The following MUC7 variants were observed in gnomAD, a reference collection of about 807,000 sequenced individuals.
MUC7 encodes mucin-7.
A neutral mutation model predicts 2.5 loss-of-function variants in MUC7; 2 were observed. The ratio of observed to expected loss-of-function variants is 0.81; its 90% CI spans 0.33 to 2.55. MUC7 has a LOEUF of 2.55. Ranked by LOEUF, MUC7 falls within the 30% of genes most tolerant of loss-of-function variation. The probability of loss-of-function intolerance (pLI) is 0.11; values close to 1 mark genes in which losing one functional copy is unlikely to be tolerated. For synonymous variants in MUC7, 133 were observed against 173.4 expected (o/e 0.77, Z 1.83); for missense variants, 408 against 455.6 (o/e 0.90, Z 0.95).
intron 1 of MUC7, among the ~76,000 whole-genome samples, chr4:70,436,492 G>A (rs543282606): frequency 1.1e-4 from 17 of 151,774 alleles, no homozygotes; most frequent in Admixed American, 5.2e-4. Context: ...TGATAAAATC[G>A]GCTATTGAAG....
chr4:70,452,578 T>C (rs1734306080), intron 1 of MUC7, among the ~76,000 whole-genome samples: 1 of 152,076 alleles, frequency 6.6e-6, no homozygotes, highest in Non-Finnish European at 1.5e-5. Flanking sequence ...AAGCCCTCTA[T>C]GCTTTAATTT....
chr4:70,481,308 C>T lies in MUC7; in HGVS notation c.564C>T (p.Thr188=), dbSNP rs1280118911. 1.2e-6 allele frequency: 2 copies of T among 1,612,336 alleles called. No homozygotes were observed. The highest frequency in any genetic ancestry group is 2.2e-5 in the East Asian group (1 of 44,710). ...CATCTTCCTCAGCTCCACCAGAGAC[C>T]ACAGCTGCCCCACCCACACCTTCTG... ...APPSSSAPPE[T]TAAPPTPSAT... Residue 188 remains threonine (T), a synonymous_variant, in exon 3 of 3, where the codon ACC becomes ACT. Transcript: ENST00000304887.
At chr4:70,480,314 T>C (rs1237194088) in intron 2 of MUC7, among the ~76,000 whole-genome samples, 1 of 152,196 alleles carries the variant, frequency 6.6e-6, no homozygotes, top group East Asian at 1.9e-4. Context: ...ATTTTGTTTG[T>C]TGGGGCTTTG....
At chr4:70,456,589 C>T (rs1474793094) in intron 1 of MUC7, among the ~76,000 whole-genome samples, 1 of 152,082 alleles carries the variant, frequency 6.6e-6, no homozygotes, top group Admixed American at 6.6e-5. Context: ...CACTTTTAAA[C>T]CATCAGATCT....
chr4:70,457,965 G>A (rs924820234), intron 1 of MUC7, among the ~76,000 whole-genome samples: 36 of 152,058 alleles, frequency 2.4e-4, no homozygotes, highest in African/African-American at 8.2e-4. Context: ...AAATTTTCAT[G>A]AAATAGTCTC....
At chr4:70,433,073 T>C (rs1448794902) in intron 1 of MUC7, among the ~76,000 whole-genome samples, 1 of 152,188 alleles carries the variant, frequency 6.6e-6, no homozygotes, top group African/African-American at 2.4e-5. Flanking sequence ...GGCTCTGTTC[T>C]GTTCCATTGG....
chr4:70,448,644 T>A (rs1734199939), intron 1 of MUC7, among the ~76,000 whole-genome samples: 1 of 152,212 alleles, frequency 6.6e-6, no homozygotes, highest in Admixed American at 6.5e-5. Flanking sequence ...ACAGAGTTGT[T>A]TGAACACATT....
At position 70,437,351 on chromosome 4, in the gene MUC7, G is replaced by A. The variant is rs1373846554; in HGVS notation, c.-93+6664G>A. 2.0e-5 allele frequency among the ~76,000 whole-genome samples: 3 copies of A among 152,212 alleles called. No homozygotes were observed. In the East Asian group the frequency reaches 5.8e-4, roughly 29 times the overall value. ...CAGTAGCCTTGCTGAGCTGCAGTGG[G>A]CTCCACCCAGTTTGAGCTTCCCTGC... On this transcript the variant is annotated intron_variant, in intron 1 of 3. Transcript: ENST00000413702.
At chr4:70,477,554 C>A (rs1183842502) in intron 2 of MUC7, among the ~76,000 whole-genome samples, 1 of 152,118 alleles carries the variant, frequency 6.6e-6, no homozygotes, top group Non-Finnish European at 1.5e-5. Flanking sequence ...TCATACCCTC[C>A]TTTCTTGCTG....
At chr4:70,474,574 G>A (rs1474181197) in intron 2 of MUC7, among the ~76,000 whole-genome samples, 2 of 152,070 alleles carry the variant, frequency 1.3e-5, no homozygotes, top group Non-Finnish European at 2.9e-5. Context: ...TAGGTAGGTA[G>A]GTAGGTAGGT....
At chr4:70,440,665 T>C (rs1275627996) in intron 1 of MUC7, among the ~76,000 whole-genome samples, 2 of 152,200 alleles carry the variant, frequency 1.3e-5, no homozygotes, top group African/African-American at 4.8e-5. Flanking sequence ...TAATTTGATC[T>C]ATACAAATTT....
At chr4:70,460,831 A>C (rs535612450) in intron 1 of MUC7, among the ~76,000 whole-genome samples, 1 of 152,250 alleles carries the variant, frequency 6.6e-6, no homozygotes, top group East Asian at 1.9e-4. Context: ...GGAAGGATGT[A>C]GTCCTGTGAT....
chr4:70,434,898 T>C (rs2109786435), intron 1 of MUC7, among the ~76,000 whole-genome samples: 1 of 152,386 alleles, frequency 6.6e-6, no homozygotes, highest in Admixed American at 6.5e-5. Context: ...GAGATTCTGG[T>C]ATGTTGTGTC....
chr4:70,432,280 G>A (rs898371634), intron 1 of MUC7, among the ~76,000 whole-genome samples: 2 of 152,292 alleles, frequency 1.3e-5, no homozygotes, highest in African/African-American at 2.4e-5. Flanking sequence ...GGATGGCTGG[G>A]TCAAATGGTA....
At chr4:70,478,322 T>C (rs1735065528) in intron 2 of MUC7, among the ~76,000 whole-genome samples, 1 of 152,196 alleles carries the variant, frequency 6.6e-6, no homozygotes, top group Non-Finnish European at 1.5e-5. Context: ...TAATAGCTAA[T>C]GAGTACCTGC....
At chr4:70,462,068 G>A (rs1734569952) in intron 1 of MUC7, among the ~76,000 whole-genome samples, 1 of 152,012 alleles carries the variant, frequency 6.6e-6, no homozygotes, top group Non-Finnish European at 1.5e-5. Flanking sequence ...TTAAAAAGTA[G>A]CCACTCAGGT....
At chr4:70,475,283 G>GA (rs540876129) in intron 2 of MUC7, among the ~76,000 whole-genome samples, 2 of 149,828 alleles carry the variant, frequency 1.3e-5, no homozygotes, top group Admixed American at 6.6e-5. Flanking sequence ...TGTCTCAAAA[G>GA]AAAAAAAAAG....
At chr4:70,451,296 A>G (rs1734274143) in intron 1 of MUC7, among the ~76,000 whole-genome samples, 1 of 152,210 alleles carries the variant, frequency 6.6e-6, no homozygotes, top group Admixed American at 6.5e-5. Context: ...GATGCTCTCC[A>G]CACCACATGG....
intron 2 of MUC7, among the ~76,000 whole-genome samples, chr4:70,477,721 T>A (rs1389410234): frequency 1.3e-5 from 2 of 152,090 alleles, no homozygotes; most frequent in Admixed American, 6.6e-5. Context: ...AGTTTTCCCA[T>A]CCATATAATG....
Sources: gnomAD v4.1 joint callset for allele counts (sites outside exome capture counted in the v4.1 genomes callset) on GRCh38, gnomAD v4.1.1 for gene constraint, MANE v1.5 for transcripts, NCBI Gene and HGNC (gene_info 2026-07-23, HGNC 2026-07-21) for gene names.